The following TIMM21 variants were observed in gnomAD, a reference collection of about 807,000 sequenced individuals.
The protein encoded by TIMM21 is mitochondrial import inner membrane translocase subunit Tim21.
In TIMM21, 30 loss-of-function variants were observed where a neutral mutation model predicts 27.7. The observed-to-expected ratio is 1.08, with a 90% CI of 0.81 to 1.47. The LOEUF is 1.47. TIMM21 is among the 40% of genes most tolerant of loss of function. TIMM21 has a pLI of 0.00. For missense variants in TIMM21, 292 were observed against 302.9 expected (o/e 0.96, Z 0.27); for synonymous variants, 121 against 114.4 (o/e 1.06, Z -0.37).
At position 74,159,864 on chromosome 18, in the gene TIMM21, A is replaced by C. The variant is rs1568193296; in HGVS notation, c.*1384A>C. On this transcript the variant is annotated 3_prime_UTR_variant, in exon 6 of 6. Transcript: ENST00000169551. ...AAAAAAGCAGCCCTGCTCTTCAAAC[A>C]ACCTGCTCAAACTGTAGCTTGCTGA... 1 of 152,242 alleles carries C rather than the reference A, an allele frequency of 6.6e-6. No homozygotes were observed. The allele number at this position is 152,242 out of a possible 1,614,324, so 9.4% of individuals were successfully genotyped here. A position where few individuals can be genotyped will look rare whatever the true frequency, so the allele number is the denominator to read the frequency against.
Position 74,152,003 on chromosome 18 carries a change from A to C in TIMM21, c.301+2894A>C, listed in dbSNP as rs1979823879. Among the ~76,000 whole-genome samples the C allele has an allele frequency of 7.2e-6, 1 of 139,182 alleles. No homozygotes were observed. Among genetic ancestry groups the C allele is most frequent in the Admixed American group, 7.8e-5 (1 of 12,832 alleles). 91.3% of individuals were successfully genotyped at this position (139,182 alleles called of 152,430 possible). A position where few individuals can be genotyped will look rare whatever the true frequency, so the allele number is the denominator to read the frequency against. The stretch of plus-strand genomic sequence containing the variant: ...TGTTCTTCTCACCCTTCTCATGCCC[A>C]GTCGTGTTGTAACTTGGCCAGGAGG... On this transcript the variant is annotated intron_variant, in intron 1 of 5. Transcript: ENST00000169551. The surrounding 1 kb of genome is among the most constrained non-coding windows in gnomAD (Gnocchi z 4.1).
At chr18:74,153,068 C>T (rs1437917403) in intron 1 of TIMM21, among the ~76,000 whole-genome samples, 1 of 152,208 alleles carries the variant, frequency 6.6e-6, no homozygotes, top group East Asian at 1.9e-4. Flanking sequence ...CTCCCTGCAG[C>T]TGGGAGCCCC....
intron 2 of TIMM21, 22 bp from the exon 3 acceptor site, chr18:74,155,284 T>C (rs1469011355): frequency 2.8e-5 from 45 of 1,612,664 alleles, no homozygotes; most frequent in Non-Finnish European, 3.8e-5. Flanking sequence ...CTTCGCTTCA[T>C]CTTTGTTTTC....
chr18:74,158,421 A>G lies in TIMM21; in HGVS notation c.688A>G (p.Ile230Val), dbSNP rs955500674. The change falls in exon 6 of 6, where the codon ATT (isoleucine) becomes GTT (valine). Residue 230 changes from isoleucine (I) to valine (V), a missense_variant. Coordinates refer to ENST00000169551, the MANE Select transcript of TIMM21 (RefSeq NM_014177.3). Reference sequence around the variant, plus strand: ...TGATTTTCGATATATATTTGTAGAAATTGAATCTTATCCTAGAAGAACTAT... The same window carrying G: ...TGATTTTCGATATATATTTGTAGAAGTTGAATCTTATCCTAGAAGAACTAT... The part of the protein sequence containing the change: ...EYDFRYIFVE[I>V]ESYPRRTIII... 3 of 1,605,378 alleles carry G rather than the reference A, an allele frequency of 1.9e-6. No homozygotes were observed. In the African/African-American group the frequency reaches 4.0e-5, roughly 22 times the overall value.
intron 3 of TIMM21, chr18:74,156,241 G>A: frequency 2.5e-6 from 1 of 398,614 alleles, no homozygotes; most frequent in East Asian, 3.6e-5. Context: ...TATTAGGGCT[G>A]TTCTTCACAC....
In TIMM21 at chr18:74,158,545, C is replaced by A; in HGVS notation, c.*65C>A. The A allele has an allele frequency of 1.0e-6, 1 of 978,600 alleles. No homozygotes were observed. Among genetic ancestry groups the A allele is most frequent in the Non-Finnish European group, 1.6e-6 (1 of 633,158 alleles). The allele number at this position is 978,600 out of a possible 1,614,324, so 60.6% of individuals were successfully genotyped here. A position where few individuals can be genotyped will look rare whatever the true frequency, so the allele number is the denominator to read the frequency against. On this transcript the variant is annotated 3_prime_UTR_variant, in exon 6 of 6. Coordinates refer to ENST00000169551, the MANE Select transcript of TIMM21 (RefSeq NM_014177.3). ...TACTCCGTTCTTCACAGCTGCCTTC[C>A]AGAATGTGTTCAAAAGAAAGACAAG...
At chr18:74,150,584 C>A (rs1056155762) in intron 1 of TIMM21, among the ~76,000 whole-genome samples, 3 of 152,218 alleles carry the variant, frequency 2.0e-5, no homozygotes, top group African/African-American at 7.2e-5. Flanking sequence ...CATGTTACTA[C>A]AGACTACTGC....
At position 74,148,948 on chromosome 18, in the gene TIMM21, A is replaced by G. The variant is rs1455948062; in HGVS notation, c.140A>G (p.Tyr47Cys). 7 of 1,614,188 alleles carry G rather than the reference A, an allele frequency of 4.3e-6. No individual in the cohort carries two copies. Among genetic ancestry groups the G allele is most frequent in the Non-Finnish European group, 5.1e-6 (6 of 1,180,036 alleles). ...TEPSLRCGLQ[Y>C]QKKTLRPRCI... ...CCCAGTTTGAGATGTGGGCTTCAAT[A>G]TCAAAAGAAAACGCTGCGACCTAGA... is the stretch of plus-strand genomic sequence containing the variant. Residue 47 changes from tyrosine (Y) to cysteine (C), a missense_variant, in exon 1 of 6, where the codon TAT becomes TGT. Tyr to Cys is a radical substitution (Grantham distance 194). Transcript: ENST00000169551.
chr18:74,148,939 G>A lies in TIMM21; in HGVS notation c.131G>A (p.Gly44Glu), dbSNP rs1979694853. The change falls in exon 1 of 6, where the codon GGG (glycine) becomes GAG (glutamate). Residue 44 changes from glycine to glutamate, a missense_variant. Gly to Glu is a moderately conservative substitution (Grantham distance 98). Coordinates refer to ENST00000169551, the MANE Select transcript of TIMM21 (RefSeq NM_014177.3). ...AAGACTGAGCCCAGTTTGAGATGTG[G>A]GCTTCAATATCAAAAGAAAACGCTG... ...CLKTEPSLRC[G>E]LQYQKKTLRP... 1 of 1,614,120 alleles carries A rather than the reference G, an allele frequency of 6.2e-7. No homozygotes were observed.
intron 1 of TIMM21, 104 bp downstream of exon 1, chr18:74,149,213 A>T: frequency 3.8e-6 from 5 of 1,318,646 alleles, no homozygotes; most frequent in Non-Finnish European, 5.1e-6. Flanking sequence ...AGCAATTCAC[A>T]TGAATTTTTA....
intron 1 of TIMM21, 147 bp from the exon 2 acceptor site, chr18:74,154,998 G>T (rs767235750): frequency 1.6e-5 from 11 of 700,704 alleles, no homozygotes; most frequent in Non-Finnish European, 2.7e-5. Flanking sequence ...CACACAGGGA[G>T]TTTTCAAAAC....
chr18:74,151,051 C>T (rs1254075364), intron 1 of TIMM21, among the ~76,000 whole-genome samples: 1 of 152,096 alleles, frequency 6.6e-6, no homozygotes, highest in South Asian at 2.1e-4. Flanking sequence ...CCAGGTAAGT[C>T]CCTGGACCCA....
Position 74,155,200 on chromosome 18 carries a change from C to T in TIMM21, c.357C>T (p.Ser119=), listed in dbSNP as rs567722365. Residue 119 remains serine, a synonymous_variant, in exon 2 of 6, where the codon AGC becomes AGT. Transcript: ENST00000169551. ...TAATAGTGGTGCTTTTTGGAATCAG[C>T]ATTACAGGTTGCAAAAAACAGCAAG... is the stretch of plus-strand genomic sequence containing the variant. ...TYLIVVLFGI[S]ITGGLFYTIF... 3 of 1,614,194 alleles carry T rather than the reference C, an allele frequency of 1.9e-6. No homozygotes were observed. The highest frequency in any genetic ancestry group is 2.5e-6 in the Non-Finnish European group (3 of 1,180,026).
intron 5 of TIMM21, 30 bp downstream of exon 5, chr18:74,158,306 G>T (rs1374665020): frequency 6.2e-7 from 1 of 1,611,692 alleles, no homozygotes; most frequent in Admixed American, 1.7e-5. Flanking sequence ...TGGGGTCAGA[G>T]GTTCTGAGCG....
In TIMM21 at chr18:74,159,367, G is replaced by A. The variant is rs1166144533; in HGVS notation, c.*887G>A. Reference sequence around the variant, plus strand: ...AAGTGACCTTCACTTACAAGATCCTGATTCCATATCTATGTAAGTGCTATG... The same window carrying A: ...AAGTGACCTTCACTTACAAGATCCTAATTCCATATCTATGTAAGTGCTATG... On this transcript the variant is annotated 3_prime_UTR_variant, in exon 6 of 6. Transcript: ENST00000169551. 1 of 151,706 alleles carries A rather than the reference G, an allele frequency of 6.6e-6. No individual in the cohort carries two copies. Among genetic ancestry groups the A allele is most frequent in the Non-Finnish European group, 1.5e-5 (1 of 67,950 alleles). The allele number at this position is 151,706 out of a possible 1,614,324, so 9.4% of individuals were successfully genotyped here.
intron 3 of TIMM21, among the ~76,000 whole-genome samples, chr18:74,155,806 G>T (rs1157588291): frequency 6.6e-6 from 1 of 152,182 alleles, no homozygotes; most frequent in East Asian, 1.9e-4. Flanking sequence ...TCTTTATTCA[G>T]TCTCACAAAA....
chr18:74,157,542 T>C (rs1446539382), intron 3 of TIMM21: 1 of 154,656 alleles, frequency 6.5e-6, no homozygotes, highest in Non-Finnish European at 1.4e-5. Context: ...ATGATTTTTG[T>C]ATAATAACCC....
Position 74,152,117 on chromosome 18 carries a change from G to A in TIMM21, c.301+3008G>A, listed in dbSNP as rs895349361. On this transcript the variant is annotated intron_variant, in intron 1 of 5. Coordinates refer to ENST00000169551, the MANE Select transcript of TIMM21 (RefSeq NM_014177.3). This position sits in a 1 kb window ranked among gnomAD's most constrained non-coding sequence, Gnocchi z 4.1. ...TCGCCCAGTTTCCAAGGTGGAGGAAGTGCCAACCTTTACCAGACACTGAGC... is the reference window on the plus strand; with the variant it reads ...TCGCCCAGTTTCCAAGGTGGAGGAAATGCCAACCTTTACCAGACACTGAGC... Among the ~76,000 whole-genome samples, 2 of 152,148 alleles carry A rather than the reference G, an allele frequency of 1.3e-5. No homozygotes were observed. Among genetic ancestry groups the A allele is most frequent in the African/African-American group, 4.8e-5 (2 of 41,440 alleles).
At chr18:74,154,088 T>C (rs1239682636) in intron 1 of TIMM21, among the ~76,000 whole-genome samples, 1 of 152,030 alleles carries the variant, frequency 6.6e-6, no homozygotes, top group Non-Finnish European at 1.5e-5. Flanking sequence ...AGTGAAAAAA[T>C]AGAAAGACTC....
Sources: allele counts gnomAD v4.1 joint callset (sites outside exome capture counted in the v4.1 genomes callset), GRCh38; gene constraint gnomAD v4.1.1; non-coding constraint Gnocchi (gnomAD v3.1); transcripts MANE v1.5; gene names NCBI Gene and HGNC (gene_info 2026-07-23, HGNC 2026-07-21).